PICALM: variants seen among roughly 807,000 people sequenced by gnomAD.
The protein encoded by PICALM is phosphatidylinositol binding clathrin assembly protein.
In PICALM, 40 loss-of-function variants were observed where a neutral mutation model predicts 80.5. The observed-to-expected ratio is 0.50, with a 90% CI of 0.39 to 0.65. The LOEUF (loss-of-function observed/expected upper bound fraction) is 0.65, where lower values mean the gene tolerates loss of function less well. Among genes scored for constraint, PICALM ranks in the 30% least tolerant of loss-of-function variants. The probability of loss-of-function intolerance (pLI) is 0.00; values close to 1 mark genes in which losing one functional copy is unlikely to be tolerated. For missense variants in PICALM, 676 were observed against 778.9 expected, an observed-to-expected ratio of 0.87 and a Z score of 1.57; for synonymous variants, 288 against 260.3, an observed-to-expected ratio of 1.11 and a Z score of -1.02.
chr11:86,061,246 T>C (rs1324490250), intron 1 of PICALM, among the ~76,000 whole-genome samples: 4 of 147,490 alleles, frequency 2.7e-5, no homozygotes, highest in Non-Finnish European at 5.9e-5. Flanking sequence ...GAAGAATCAC[T>C]TGAACCCCTG....
intron 1 of PICALM, among the ~76,000 whole-genome samples, chr11:86,040,841 A>G (rs664629): frequency 0.37 from 56,962 of 152,006 alleles, 10,855 homozygotes; most frequent in South Asian, 0.44. Flanking sequence ...CAATGGATTC[A>G]CCTAAGTATA....
At chr11:86,048,693 G>A (rs538401530) in intron 1 of PICALM, among the ~76,000 whole-genome samples, 143 of 151,942 alleles carry the variant, frequency 9.4e-4, no homozygotes, top group Non-Finnish European at 1.8e-3. Context: ...TTAGCCGGGC[G>A]TGGTGGCGCA....
intron 19 of PICALM, among the ~76,000 whole-genome samples, chr11:85,964,856 C>T (rs1285481598): frequency 3.9e-5 from 6 of 152,090 alleles, no homozygotes; most frequent in Non-Finnish European, 7.4e-5. Flanking sequence ...AATTAAAATG[C>T]CTTTTGGTGA....
chr11:86,031,768 C>T lies in PICALM; in HGVS notation c.131-157G>A, dbSNP rs531137119. Among the ~76,000 whole-genome samples the T allele has an allele frequency of 2.0e-5, 3 of 152,280 alleles. No homozygotes were observed. In the East Asian group the frequency reaches 5.8e-4, roughly 29 times the overall value. Reference sequence around the variant, plus strand: ...AATCTCTCAATTAGAGCAATTGAGACTACCATAATCTACCTAAGAAGCAGG... The same window carrying T: ...AATCTCTCAATTAGAGCAATTGAGATTACCATAATCTACCTAAGAAGCAGG... On this transcript the variant is annotated intron_variant, in intron 1 of 19. Coordinates refer to ENST00000393346, the MANE Select transcript of PICALM (RefSeq NM_007166.4).
At chr11:85,992,284 G>T (rs200996038) in intron 12 of PICALM, among the ~76,000 whole-genome samples, 10 of 141,642 alleles carry the variant, frequency 7.1e-5, no homozygotes, top group East Asian at 2.1e-4. Flanking sequence ...GGTGTGTTTT[G>T]TTTTTTTTTT....
intron 3 of PICALM, among the ~76,000 whole-genome samples, chr11:86,022,871 A>G (rs1388368008): frequency 6.6e-6 from 1 of 152,088 alleles, no homozygotes; most frequent in Non-Finnish European, 1.5e-5. Context: ...TAATTTTTAT[A>G]CTCCTAAAAT....
chr11:85,960,085 T>C (rs2093637910), intron 19 of PICALM, among the ~76,000 whole-genome samples: 2 of 152,170 alleles, frequency 1.3e-5, no homozygotes, highest in South Asian at 4.1e-4. Context: ...AGTAATATTA[T>C]ACTAAGTCTT....
At chr11:85,980,609 T>C (rs1381442320) in intron 17 of PICALM, among the ~76,000 whole-genome samples, 3 of 152,218 alleles carry the variant, frequency 2.0e-5, no homozygotes, top group African/African-American at 7.2e-5. Flanking sequence ...ATAAATTATA[T>C]GACAAAACCG....
chr11:86,009,585 G>A (rs866819357), intron 7 of PICALM, among the ~76,000 whole-genome samples: 4 of 152,000 alleles, frequency 2.6e-5, no homozygotes, highest in South Asian at 2.1e-4. Flanking sequence ...CCAGCTACTC[G>A]GGAGGCTGAG....
intron 1 of PICALM, 87 bp downstream of exon 1, chr11:86,068,564 G>A: frequency 2.3e-6 from 3 of 1,291,094 alleles, no homozygotes; most frequent in Non-Finnish European, 1.1e-6. Context: ...AGAGGCAGTA[G>A]AAGGGTGAAA....
intron 1 of PICALM, among the ~76,000 whole-genome samples, chr11:86,068,008 G>A (rs575886379): frequency 6.6e-6 from 1 of 152,144 alleles, no homozygotes; most frequent in African/African-American, 2.4e-5. Context: ...GGGTAACTGG[G>A]TATGGTATTT....
chr11:86,059,890 G>C (rs555156507), intron 1 of PICALM, among the ~76,000 whole-genome samples: 1 of 151,856 alleles, frequency 6.6e-6, no homozygotes, highest in African/African-American at 2.4e-5. Flanking sequence ...AAAGAGAGAG[G>C]ACAAATAATC....
At chr11:85,980,578 GC>G (rs778473554) in intron 17 of PICALM, among the ~76,000 whole-genome samples, 1 of 152,008 alleles carries the variant, frequency 6.6e-6, no homozygotes, top group Non-Finnish European at 1.5e-5. Context: ...ATATATAATT[GC>G]CAAACACATT....
At chr11:85,969,852 A>G (rs1458140733) in intron 19 of PICALM, among the ~76,000 whole-genome samples, 1 of 152,176 alleles carries the variant, frequency 6.6e-6, no homozygotes, top group Non-Finnish European at 1.5e-5. Context: ...AAAATGTTCA[A>G]TCATAAACAT....
At chr11:86,011,861 T>G (rs1362057065) in intron 6 of PICALM, among the ~76,000 whole-genome samples, 1 of 151,470 alleles carries the variant, frequency 6.6e-6, no homozygotes, top group East Asian at 1.9e-4. Context: ...GTTTTTTTTT[T>G]TTTTTTGAAA....
Position 86,022,359 on chromosome 11 carries a change from TA to T in PICALM, c.452+7del. 6.8e-7 allele frequency: 1 copy of T among 1,475,836 alleles called. No homozygotes were observed. Among genetic ancestry groups the T allele is most frequent in the Non-Finnish European group, 9.3e-7 (1 of 1,076,312 alleles). The allele number at this position is 1,475,836 out of a possible 1,614,324, so 91.4% of individuals were successfully genotyped here. ...AATCAATTAGATGTCAAAAAAAGCT[TA>T]ACTCACCCTCTCTTCACTTTTGTGA... On this transcript the variant is annotated splice_region_variant and intron_variant, in intron 4 of 19. Transcript: ENST00000393346.
chr11:86,022,177 A>T (rs1463473756), intron 4 of PICALM, among the ~76,000 whole-genome samples, 190 bp downstream of exon 4: 2 of 152,194 alleles, frequency 1.3e-5, no homozygotes, highest in Non-Finnish European at 2.9e-5. Flanking sequence ...ATGATATCTC[A>T]ATAAAGGTGC....
chr11:86,060,380 A>T (rs2096340629), intron 1 of PICALM, among the ~76,000 whole-genome samples: 1 of 152,202 alleles, frequency 6.6e-6, no homozygotes, highest in Non-Finnish European at 1.5e-5. Flanking sequence ...AATTTAGAAG[A>T]GTGGCACTGT....
At chr11:85,960,781 G>A (rs2093661649) in intron 19 of PICALM, 1 of 1,260,228 alleles carries the variant, frequency 7.9e-7, no homozygotes, top group Non-Finnish European at 1.0e-6. Context: ...CCGACAGCTG[G>A]GGGAAAAGAA....
Sources: gnomAD v4.1 joint callset for allele counts (sites outside exome capture counted in the v4.1 genomes callset) on GRCh38, gnomAD v4.1.1 for gene constraint, MANE v1.5 for transcripts, NCBI Gene and HGNC (gene_info 2026-07-23, HGNC 2026-07-21) for gene names.